ATP8B4: variants seen among roughly 807,000 people sequenced by gnomAD.
ATP8B4 encodes probable phospholipid-transporting ATPase IM.
Under a neutral mutation model 145.6 loss-of-function variants are expected in ATP8B4, and 133 were observed. That is an observed-to-expected ratio of 0.91 (90% CI 0.79 to 1.05). ATP8B4 has a LOEUF of 1.05. ATP8B4 is among the 50% of genes least tolerant of loss of function. The pLI, the probability that ATP8B4 is intolerant of heterozygous loss-of-function variation, is 0.00. For synonymous variants in ATP8B4, 507 were observed against 492.9 expected (o/e 1.03, Z -0.38); for missense variants, 1,458 against 1,425.2 (o/e 1.02, Z -0.37).
chr15:49,870,682 T>G (rs1316462006), intron 25 of ATP8B4, among the ~76,000 whole-genome samples: 3 of 152,206 alleles, frequency 2.0e-5, no homozygotes, highest in Non-Finnish European at 4.4e-5. Context: ...AAGACCACAG[T>G]TTTTGATTGA....
At position 50,111,737 on chromosome 15, in the gene ATP8B4, C is replaced by T. The variant is rs563754350; in HGVS notation, c.-42-4729G>A. 3.9e-5 allele frequency among the ~76,000 whole-genome samples: 6 copies of T among 152,302 alleles called. No homozygotes were observed. In the South Asian group the frequency reaches 1.2e-3, roughly 32 times the overall value. ...CTGGGTGGGTCGTGGGGACAGGGCA[C>T]ATAATGAGAGTGTACATTTGATATT... On this transcript the variant is annotated intron_variant, in intron 1 of 27. Transcript: ENST00000284509.
chr15:49,921,137 G>A (rs2040221773), intron 17 of ATP8B4, among the ~76,000 whole-genome samples: 1 of 152,140 alleles, frequency 6.6e-6, no homozygotes, highest in Admixed American at 6.5e-5. Context: ...GGTTGCTTCT[G>A]GGAAGCAGGA....
At chr15:49,876,899 A>G (rs925580786) in intron 24 of ATP8B4, among the ~76,000 whole-genome samples, 1 of 152,164 alleles carries the variant, frequency 6.6e-6, no homozygotes, top group Non-Finnish European at 1.5e-5. Flanking sequence ...ATGTGCAGCC[A>G]ATGGGCCCCA....
At chr15:49,888,898 C>T (rs1439261303) in intron 23 of ATP8B4, among the ~76,000 whole-genome samples, 1 of 152,026 alleles carries the variant, frequency 6.6e-6, no homozygotes, top group Non-Finnish European at 1.5e-5. Flanking sequence ...CTCAAGCTTC[C>T]AGATGATTCT....
intron 14 of ATP8B4, among the ~76,000 whole-genome samples, chr15:49,950,607 C>CAAAAAA (rs1489232447): frequency 3.1e-5 from 3 of 96,428 alleles, no homozygotes; most frequent in African/African-American, 1.1e-4. Context: ...AAAAAACAAA[C>CAAAAAA]AAACAAACAA....
chr15:50,024,446 C>T (rs143175594), intron 6 of ATP8B4, among the ~76,000 whole-genome samples: 2 of 152,304 alleles, frequency 1.3e-5, no homozygotes, highest in African/African-American at 2.4e-5. Context: ...ATTTCTCAGG[C>T]AGCCAGCCAG....
At position 50,119,149 on chromosome 15, in the gene ATP8B4, C is replaced by A. The variant is rs1052894023; in HGVS notation, c.-69G>T. ...TCAACCCAGACTTAATCCTCTCCCC[C>A]AAAAGGAAGATTTCTCAGCAGTGCA... On this transcript the variant is annotated 5_prime_UTR_variant, in exon 1 of 28. Coordinates refer to ENST00000284509, the MANE Select transcript of ATP8B4 (RefSeq NM_024837.4). The A allele has an allele frequency of 1.3e-5, 2 of 152,200 alleles. No homozygotes were observed. The highest frequency in any genetic ancestry group is 4.8e-5 in the African/African-American group (2 of 41,426). 9.4% of individuals were successfully genotyped at this position (152,200 alleles called of 1,614,324 possible). A position where few individuals can be genotyped will look rare whatever the true frequency, so the allele number is the denominator to read the frequency against.
Position 49,931,275 on chromosome 15 carries a change from C to CG in ATP8B4, c.1485_1486insC (p.Glu496ArgfsTer9), listed in dbSNP as rs778347590. ...CTAGCGGCAGTCACTAGAGCCCCTT[C>CG]ATCAGGTGACTGAACTTGGTAAATC... On this transcript the variant is annotated frameshift_variant, in exon 16 of 28. Coordinates refer to ENST00000284509, the MANE Select transcript of ATP8B4 (RefSeq NM_024837.4). LOFTEE classifies it high-confidence loss of function. The CG allele has an allele frequency of 6.2e-7, 1 of 1,612,560 alleles. No homozygotes were observed. The highest frequency in any genetic ancestry group is 1.7e-5 in the Admixed American group (1 of 59,830).
At chr15:49,980,388 T>C (rs2046050411) in intron 11 of ATP8B4, among the ~76,000 whole-genome samples, 1 of 151,926 alleles carries the variant, frequency 6.6e-6, no homozygotes, top group East Asian at 1.9e-4. Context: ...GTCTTTATAT[T>C]TTAAAGTGGC....
In ATP8B4 at chr15:50,047,484, A is replaced by G. The variant is rs560575947; in HGVS notation, c.88-20T>C. On this transcript the variant is annotated intron_variant, in intron 3 of 27. Coordinates refer to ENST00000284509, the MANE Select transcript of ATP8B4 (RefSeq NM_024837.4). ...ATTATCCTGGAAAAGAAATAGCATC[A>G]TGTTAGTTTGGGGCAAGGCATTGCT... The G allele has an allele frequency of 7.0e-6, 10 of 1,434,420 alleles. No individual in the cohort carries two copies. The East Asian group carries it at 1.1e-4, about 16-fold the overall frequency. The allele number at this position is 1,434,420 out of a possible 1,614,324, so 88.9% of individuals were successfully genotyped here.
chr15:49,992,084 A>G (rs2047086523), intron 9 of ATP8B4, among the ~76,000 whole-genome samples: 1 of 152,108 alleles, frequency 6.6e-6, no homozygotes, highest in Non-Finnish European at 1.5e-5. Context: ...GCCATATGAC[A>G]CTGGGAAAGT....
intron 23 of ATP8B4, among the ~76,000 whole-genome samples, chr15:49,893,640 G>A (rs962306869): frequency 2.6e-5 from 4 of 152,088 alleles, no homozygotes; most frequent in African/African-American, 4.8e-5. Flanking sequence ...TGGTTGCCAG[G>A]GACTAGGGGA....
intron 20 of ATP8B4, among the ~76,000 whole-genome samples, chr15:49,915,502 T>A (rs528924998): frequency 7.2e-5 from 11 of 152,210 alleles, no homozygotes; most frequent in African/African-American, 2.4e-4. Flanking sequence ...CTCAAAGTGA[T>A]GGATATCCTA....
At chr15:49,894,429 T>C (rs1300890294) in intron 23 of ATP8B4, among the ~76,000 whole-genome samples, 1 of 152,156 alleles carries the variant, frequency 6.6e-6, no homozygotes, top group East Asian at 1.9e-4. Flanking sequence ...ATTATTTTTA[T>C]ATGGTGATTG....
intron 1 of ATP8B4, among the ~76,000 whole-genome samples, chr15:50,172,268 G>C (rs560540739): frequency 3.9e-5 from 6 of 152,336 alleles, no homozygotes; most frequent in South Asian, 2.1e-4. Flanking sequence ...TCAGCCTGCC[G>C]AGTGCCTGGG....
chr15:49,942,779 C>G (rs777581748), intron 14 of ATP8B4, among the ~76,000 whole-genome samples: 1 of 151,666 alleles, frequency 6.6e-6, no homozygotes. Flanking sequence ...GAGCCGAGAT[C>G]GCGCCACTGC....
At chr15:50,128,459 G>A (rs2057321504) in intron 1 of ATP8B4, among the ~76,000 whole-genome samples, 1 of 152,234 alleles carries the variant, frequency 6.6e-6, no homozygotes, top group Non-Finnish European at 1.5e-5. Context: ...TGAAGGGCAA[G>A]GCCTGGGCCA....
intron 23 of ATP8B4, chr15:49,880,360 G>A (rs1232188542): frequency 1.3e-5 from 2 of 152,308 alleles, no homozygotes; most frequent in Middle Eastern, 6.8e-3. Context: ...CTGCAAGTAG[G>A]CCCCATGAAA....
intron 18 of ATP8B4, among the ~76,000 whole-genome samples, chr15:49,919,469 G>A (rs575685363): frequency 1.3e-5 from 2 of 152,092 alleles, no homozygotes; most frequent in Admixed American, 6.6e-5. Context: ...CCAGGCTGGA[G>A]TGCAGTGGCG....
Sources: gnomAD v4.1 joint callset for allele counts (sites outside exome capture counted in the v4.1 genomes callset) on GRCh38, gnomAD v4.1.1 for gene constraint, MANE v1.5 for transcripts, NCBI Gene and HGNC (gene_info 2026-07-23, HGNC 2026-07-21) for gene names.